Variants in HEATR3 observed in about 807,000 individuals in gnomAD.
The protein encoded by HEATR3 is HEAT repeat-containing protein 3.
A neutral mutation model predicts 72.8 loss-of-function variants in HEATR3; 56 were observed. That is an observed-to-expected ratio of 0.77 (90% confidence interval 0.62 to 0.96). The LOEUF is 0.96. Ranked by LOEUF, HEATR3 falls within the 40% of genes least tolerant of loss-of-function variation. The pLI, the probability that HEATR3 is intolerant of heterozygous loss-of-function variation, is 0.00. For missense variants in HEATR3, 747 were observed against 831.4 expected, an observed-to-expected ratio of 0.90 and a Z score of 1.25; for synonymous variants, 331 against 318.1, an observed-to-expected ratio of 1.04 and a Z score of -0.43.
chr16:50,067,333 T>G (rs1597134003), intron 2 of HEATR3, among the ~76,000 whole-genome samples: 1 of 149,250 alleles, frequency 6.7e-6, no homozygotes. Context: ...CCAGCCTGGG[T>G]GATAGAACAA....
At chr16:50,093,259 GTATC>G (rs2030009994) in intron 11 of HEATR3, among the ~76,000 whole-genome samples, 1 of 152,184 alleles carries the variant, frequency 6.6e-6, no homozygotes, top group Non-Finnish European at 1.5e-5. Context: ...GGAAGTGAGT[GTATC>G]TATTGCTACG....
rs1168009663 is a variant in HEATR3 at position 50,066,117 on chromosome 16, C to G, written c.-15C>G. 1 of 1,572,772 alleles carries G rather than the reference C, an allele frequency of 6.4e-7. No homozygotes were observed. The highest frequency in any genetic ancestry group is 1.8e-5 in the Admixed American group (1 of 55,084). ...CCTCCTCTCTCGGTGGTCTGTCCGC[C>G]CAGCGCACGTCACCATGGGCAAGAG... On this transcript the variant is annotated 5_prime_UTR_variant, in exon 1 of 15. Coordinates refer to ENST00000299192, the MANE Select transcript of HEATR3 (RefSeq NM_182922.4).
chr16:50,104,244 T>C (rs1156231788), intron 14 of HEATR3, among the ~76,000 whole-genome samples: 2 of 152,084 alleles, frequency 1.3e-5, no homozygotes, highest in Non-Finnish European at 2.9e-5. Context: ...TCCTAGCTAC[T>C]GTGGTGGCAG....
At chr16:50,072,925 A>G (rs2036645000) in intron 5 of HEATR3, 1 of 485,468 alleles carries the variant, frequency 2.1e-6, no homozygotes, top group African/African-American at 2.0e-5. Context: ...TGACTCTGAA[A>G]GGGAGAAAGG....
intron 11 of HEATR3, among the ~76,000 whole-genome samples, chr16:50,092,392 G>C (rs1047568831): frequency 6.6e-6 from 1 of 151,522 alleles, no homozygotes; most frequent in African/African-American, 2.4e-5. Context: ...TTAGCTGAGA[G>C]GTTAAGGAAC....
Position 50,105,072 on chromosome 16 carries a change from A to G in HEATR3, c.*11A>G, listed in dbSNP as rs1014821253. 4 of 1,608,078 alleles carry G rather than the reference A, an allele frequency of 2.5e-6. No individual in the cohort carries two copies. The highest frequency in any genetic ancestry group is 3.4e-6 in the Non-Finnish European group (4 of 1,178,544). On this transcript the variant is annotated 3_prime_UTR_variant, in exon 15 of 15. Transcript: ENST00000299192. ...AGACTGACTTCTTAAACAATCCAAAAAAGAAACCAGTTCTTCCCCCAAAGT... is the reference window on the plus strand; with the variant it reads ...AGACTGACTTCTTAAACAATCCAAAGAAGAAACCAGTTCTTCCCCCAAAGT...
chr16:50,080,423 C>G (rs773123225), intron 7 of HEATR3, among the ~76,000 whole-genome samples: 3 of 148,114 alleles, frequency 2.0e-5, no homozygotes, highest in Non-Finnish European at 4.5e-5. Context: ...TCACTGCAAC[C>G]TCCTCCTCCC....
chr16:50,091,604 G>A (rs945622889), intron 11 of HEATR3, among the ~76,000 whole-genome samples: 1 of 152,100 alleles, frequency 6.6e-6, no homozygotes, highest in Non-Finnish European at 1.5e-5. Flanking sequence ...GCTGGGCACG[G>A]TGGCTCACGC....
At chr16:50,084,493 A>G (rs1162744961) in intron 9 of HEATR3, 76 bp from the exon 10 acceptor site, 12 of 1,181,408 alleles carry the variant, frequency 1.0e-5, no homozygotes, top group Admixed American at 1.9e-5. Context: ...TAGGAGTAAT[A>G]TGTTGGAATT....
At chr16:50,077,227 G>T (rs1255265845) in intron 6 of HEATR3, among the ~76,000 whole-genome samples, 1 of 151,850 alleles carries the variant, frequency 6.6e-6, no homozygotes, top group Non-Finnish European at 1.5e-5. Flanking sequence ...GACCAGGCTG[G>T]TCTCGAACTC....
At position 50,072,544 on chromosome 16, in the gene HEATR3, T is replaced by A. The variant is rs2036634643; in HGVS notation, c.513-61T>A. 7.6e-6 allele frequency: 8 copies of A among 1,049,742 alleles called. No homozygotes were observed. The East Asian group carries it at 1.9e-4, about 25-fold the overall frequency. 65.0% of individuals were successfully genotyped at this position (1,049,742 alleles called of 1,614,324 possible). On this transcript the variant is annotated intron_variant, in intron 4 of 14. Coordinates refer to ENST00000299192, the MANE Select transcript of HEATR3 (RefSeq NM_182922.4). Reference sequence around the variant, plus strand: ...TCGTTTGTTTTTTTATGGATTGCTATGGTTGATTTCCTACTGTTAAAATGT... The same window carrying A: ...TCGTTTGTTTTTTTATGGATTGCTAAGGTTGATTTCCTACTGTTAAAATGT...
chr16:50,097,024 G>A (rs1024704774), intron 12 of HEATR3, among the ~76,000 whole-genome samples: 7 of 152,062 alleles, frequency 4.6e-5, no homozygotes, highest in African/African-American at 1.2e-4. Context: ...CCTGTGAGCC[G>A]GGAGCTAGGT....
At chr16:50,071,479 G>C (rs577882008) in intron 4 of HEATR3, among the ~76,000 whole-genome samples, 2 of 152,172 alleles carry the variant, frequency 1.3e-5, no homozygotes, top group Non-Finnish European at 2.9e-5. Flanking sequence ...GTTGCATTTG[G>C]AAGTTTTTAA....
chr16:50,107,001 A>G lies in HEATR3; in HGVS notation c.*1940A>G, dbSNP rs1293629889. ...CTCATGAATTTTAAGGTATATATGT[A>G]TGTTTAGTGATCATTTCAGCTAAAT... On this transcript the variant is annotated 3_prime_UTR_variant, in exon 15 of 15. Transcript: ENST00000299192. Among the ~76,000 whole-genome samples, 1 of 152,140 alleles carries G rather than the reference A, an allele frequency of 6.6e-6. No individual in the cohort carries two copies. Among genetic ancestry groups the G allele is most frequent in the African/African-American group, 2.4e-5 (1 of 41,430 alleles).
chr16:50,101,118 TC>T (rs1567449177), intron 13 of HEATR3, among the ~76,000 whole-genome samples: 1 of 129,096 alleles, frequency 7.7e-6, no homozygotes, highest in African/African-American at 2.7e-5. Context: ...TTTTTTTTTT[TC>T]TTTTTTTTTC....
At chr16:50,103,609 G>A (rs1306540329) in intron 14 of HEATR3, among the ~76,000 whole-genome samples, 1 of 152,188 alleles carries the variant, frequency 6.6e-6, no homozygotes, top group Non-Finnish European at 1.5e-5. Context: ...CATAGACTCT[G>A]TGGATGGGCC....
At position 50,102,226 on chromosome 16, in the gene HEATR3, T is replaced by G. The variant is rs768372544; in HGVS notation, c.1744-33T>G. ...TTGGTACTTGTTTTGGAGACTGGTG[T>G]TAGTCATACTAAATGTGTTTTGTTG... On this transcript the variant is annotated intron_variant, in intron 13 of 14. Transcript: ENST00000299192. The G allele has an allele frequency of 1.9e-6, 3 of 1,584,770 alleles. No individual in the cohort carries two copies. In the East Asian group the frequency reaches 6.7e-5, roughly 36 times the overall value.
Position 50,069,527 on chromosome 16 carries a change from G to C in HEATR3, c.400-651G>C, listed in dbSNP as rs1458102654. On this transcript the variant is annotated intron_variant, in intron 3 of 14. Transcript: ENST00000299192. The stretch of plus-strand genomic sequence containing the variant: ...ATAACTGGCAATGTCTGGAGACATT[G>C]GTTGTTACAGAGCTTGTGGGGTTTG... Among the ~76,000 whole-genome samples the C allele has an allele frequency of 7.2e-5, 11 of 152,302 alleles. No individual in the cohort carries two copies. In the South Asian group the frequency reaches 2.3e-3, roughly 32 times the overall value.
At chr16:50,092,899 GA>G (rs746786962) in intron 11 of HEATR3, among the ~76,000 whole-genome samples, 22 of 152,128 alleles carry the variant, frequency 1.4e-4, no homozygotes, top group South Asian at 6.2e-4. Flanking sequence ...TAGCTATGAA[GA>G]AAAAAGTAAA....
Sources: gnomAD v4.1 joint callset for allele counts (sites outside exome capture counted in the v4.1 genomes callset) on GRCh38, gnomAD v4.1.1 for gene constraint, MANE v1.5 for transcripts, NCBI Gene and HGNC (gene_info 2026-07-23, HGNC 2026-07-21) for gene names.